NACC2: variants seen among roughly 807,000 people sequenced by gnomAD.
The protein encoded by NACC2 is NACC family member 2.
NACC2 carries 8 observed loss-of-function variants against 25.1 expected under a neutral mutation model. The observed-to-expected ratio is 0.32, with a 90% CI of 0.19 to 0.57. NACC2 has a LOEUF of 0.57. NACC2 is among the 20% of genes least tolerant of loss of function. NACC2 has a pLI of 0.89. For missense variants in NACC2, 644 were observed against 650.2 expected (o/e 0.99, Z 0.10); for synonymous variants, 435 against 294.7 (o/e 1.48, Z -4.88).
chr9:136,042,791 T>C (rs574313717), intron 2 of NACC2, among the ~76,000 whole-genome samples: 7 of 111,832 alleles, frequency 6.3e-5, no homozygotes, highest in Admixed American at 9.1e-5. Context: ...CACACACACA[T>C]AGACACAGTG....
intron 2 of NACC2, among the ~76,000 whole-genome samples, chr9:136,021,689 C>A (rs1359637930): frequency 6.6e-6 from 1 of 152,214 alleles, no homozygotes; most frequent in East Asian, 1.9e-4. Context: ...ATGCCCCAGG[C>A]TAGACGCAGC....
chr9:136,062,052 G>A (rs1272605695), intron 1 of NACC2, among the ~76,000 whole-genome samples: 1 of 152,006 alleles, frequency 6.6e-6, no homozygotes, highest in Non-Finnish European at 1.5e-5. Context: ...CTGGGGAGGT[G>A]GAGGTTGCAA....
chr9:136,057,968 A>C (rs927703713), intron 1 of NACC2, among the ~76,000 whole-genome samples: 1 of 152,208 alleles, frequency 6.6e-6, no homozygotes, highest in Admixed American at 6.5e-5. Flanking sequence ...GTTAATATTC[A>C]TAGCTCTCCT....
chr9:136,024,529 GTGT>G (rs1840357037), intron 2 of NACC2, among the ~76,000 whole-genome samples: 2 of 128,096 alleles, frequency 1.6e-5, no homozygotes, highest in Non-Finnish European at 3.3e-5. Flanking sequence ...GTGTGTGTGT[GTGT>G]GGACAGTGTG....
At chr9:136,023,846 C>T (rs547789334) in intron 2 of NACC2, among the ~76,000 whole-genome samples, 4 of 152,206 alleles carry the variant, frequency 2.6e-5, no homozygotes, top group Non-Finnish European at 4.4e-5. Flanking sequence ...CTGAGAAGGA[C>T]GACCAGGACA....
chr9:136,066,700 T>A (rs563375977), intron 1 of NACC2, among the ~76,000 whole-genome samples: 40 of 152,254 alleles, frequency 2.6e-4, no homozygotes, highest in Non-Finnish European at 4.0e-4. Context: ...CCTAGCAGTA[T>A]CATTTGCAAT....
intron 1 of NACC2, among the ~76,000 whole-genome samples, chr9:136,070,707 GAAGAA>G (rs1841140598): frequency 2.0e-5 from 3 of 147,772 alleles, no homozygotes; most frequent in South Asian, 2.1e-4. Context: ...GAAGCAAGCA[GAAGAA>G]AAGAAATGAT....
intron 1 of NACC2, among the ~76,000 whole-genome samples, chr9:136,052,269 AGAC>A (rs1301432544): frequency 6.6e-6 from 1 of 152,236 alleles, no homozygotes; most frequent in Non-Finnish European, 1.5e-5. Flanking sequence ...ACGGCAACTG[AGAC>A]AGCCTGGAAA....
intron 1 of NACC2, among the ~76,000 whole-genome samples, chr9:136,094,629 G>C (rs1027600415): frequency 2.0e-5 from 3 of 152,138 alleles, no homozygotes; most frequent in Non-Finnish European, 2.9e-5. Flanking sequence ...GGGCCCGAGT[G>C]GGGGAGGCGC....
intron 1 of NACC2, among the ~76,000 whole-genome samples, chr9:136,076,690 T>C (rs1012827499): frequency 2.0e-5 from 3 of 152,146 alleles, no homozygotes; most frequent in African/African-American, 7.2e-5. Flanking sequence ...GTGAATTTCA[T>C]GTTGTGTATA....
At chr9:136,069,464 G>A (rs1841124774) in intron 1 of NACC2, among the ~76,000 whole-genome samples, 1 of 151,416 alleles carries the variant, frequency 6.6e-6, no homozygotes, top group Non-Finnish European at 1.5e-5. Flanking sequence ...CAGGAGAATT[G>A]CTTGAAACCA....
intron 2 of NACC2, among the ~76,000 whole-genome samples, chr9:136,040,344 C>CAAA (rs35210775): frequency 7.3e-6 from 1 of 136,250 alleles, no homozygotes; most frequent in African/African-American, 2.7e-5. Flanking sequence ...GACTCCGTCT[C>CAAA]AAAAAAAAAA....
Position 136,013,069 on chromosome 9 carries a change from C to T in NACC2, c.1255+130G>A, listed in dbSNP as rs866142121. 19 of 693,984 alleles carry T rather than the reference C, an allele frequency of 2.7e-5. No individual in the cohort carries two copies. The highest frequency in any genetic ancestry group is 5.4e-5 in the African/African-American group (3 of 55,688). 43.0% of individuals were successfully genotyped at this position (693,984 alleles called of 1,614,324 possible). A position where few individuals can be genotyped will look rare whatever the true frequency, so the allele number is the denominator to read the frequency against. On this transcript the variant is annotated intron_variant, in intron 5 of 5. Transcript: ENST00000277554. This position sits in a 1 kb window ranked among gnomAD's most constrained non-coding sequence, Gnocchi z 6.6. The stretch of plus-strand genomic sequence containing the variant: ...TCTCCTCATCTTCCCCTCAATCAGA[C>T]CATGCTCGGCCCCCAGGGACGGAAG...
intron 2 of NACC2, among the ~76,000 whole-genome samples, chr9:136,017,904 G>A (rs553238701): frequency 2.6e-5 from 4 of 152,340 alleles, no homozygotes; most frequent in East Asian, 1.9e-4. Context: ...CCGATTGCAC[G>A]AGGGCAGCCT....
At chr9:136,074,991 G>T (rs1026906021) in intron 1 of NACC2, among the ~76,000 whole-genome samples, 1 of 152,236 alleles carries the variant, frequency 6.6e-6, no homozygotes, top group Non-Finnish European at 1.5e-5. Flanking sequence ...TGGGGCTGGG[G>T]GAACAGCAAT....
Position 136,081,814 on chromosome 9 carries a change from C to T in NACC2, c.-60+13375G>A, listed in dbSNP as rs543596351. Reference sequence around the variant, plus strand: ...CTGGATGGCACCTGGCCCAGGTAACCAGGCAACACCAGGCTGAGGGCAAGG... The same window carrying T: ...CTGGATGGCACCTGGCCCAGGTAACTAGGCAACACCAGGCTGAGGGCAAGG... On this transcript the variant is annotated intron_variant, in intron 1 of 5. Coordinates refer to ENST00000277554, the MANE Select transcript of NACC2 (RefSeq NM_144653.5). 1.7e-3 allele frequency among the ~76,000 whole-genome samples: 258 copies of T among 152,136 alleles called. 2 individuals carry two copies. Among genetic ancestry groups the T allele is most frequent in the Non-Finnish European group, 1.3e-3 (87 of 68,014 alleles).
chr9:136,024,736 G>C (rs1371215310), intron 2 of NACC2, among the ~76,000 whole-genome samples: 1 of 152,094 alleles, frequency 6.6e-6, no homozygotes, highest in African/African-American at 2.4e-5. Flanking sequence ...GGATATGAGG[G>C]AGCAGCCAAT....
Position 136,013,177 on chromosome 9 carries a change from C to CCCG in NACC2, c.1255+21_1255+22insCGG. The stretch of plus-strand genomic sequence containing the variant: ...GAACCCAGCCCCGGCCCCACCCACC[C>CCCG]GAGAGACCCCCAGGCTCTTACATTT... On this transcript the variant is annotated intron_variant, in intron 5 of 5. Transcript: ENST00000277554. This position sits in a 1 kb window ranked among gnomAD's most constrained non-coding sequence, Gnocchi z 6.6. The CCCG allele has an allele frequency of 6.7e-7, 1 of 1,487,428 alleles. No homozygotes were observed. The highest frequency in any genetic ancestry group is 9.3e-7 in the Non-Finnish European group (1 of 1,071,830). The allele number at this position is 1,487,428 out of a possible 1,614,324, so 92.1% of individuals were successfully genotyped here.
chr9:136,080,475 G>C (rs146994018), intron 1 of NACC2, among the ~76,000 whole-genome samples: 27 of 152,316 alleles, frequency 1.8e-4, no homozygotes, highest in South Asian at 2.1e-4. Flanking sequence ...GGGAGGCTGA[G>C]ACAGGAGAAT....
Sources: gnomAD v4.1 joint callset for allele counts (sites outside exome capture counted in the v4.1 genomes callset) on GRCh38, gnomAD v4.1.1 for gene constraint, Gnocchi (gnomAD v3.1) non-coding constraint, MANE v1.5 for transcripts, NCBI Gene and HGNC (gene_info 2026-07-23, HGNC 2026-07-21) for gene names.